MEF2C: variants seen among roughly 807,000 people sequenced by gnomAD.
MEF2C encodes the protein myocyte enhancer factor 2C, also known as myocyte-specific enhancer factor 2C.
Under a neutral mutation model 50.5 loss-of-function variants are expected in MEF2C, and 6 were observed. That is an observed-to-expected ratio of 0.12 (90% CI 0.07 to 0.23). The LOEUF is 0.23. Among genes scored for constraint, MEF2C ranks in the 10% least tolerant of loss-of-function variants. The pLI is 1.00. For synonymous variants in MEF2C, 183 were observed against 228.0 expected, an observed-to-expected ratio of 0.80 and a Z score of 1.78; for missense variants, 276 against 605.0, an observed-to-expected ratio of 0.46 and a Z score of 5.70.
At chr5:88,896,011 C>T (rs1353317565) in intron 1 of MEF2C, among the ~76,000 whole-genome samples, 2 of 152,106 alleles carry the variant, frequency 1.3e-5, no homozygotes, top group Non-Finnish European at 2.9e-5. Context: ...TTTTAGGGAG[C>T]ACTTTCAGTA....
At chr5:88,801,586 G>A (rs1294892118) in intron 3 of MEF2C, among the ~76,000 whole-genome samples, 3 of 150,848 alleles carry the variant, frequency 2.0e-5, no homozygotes, top group Non-Finnish European at 2.9e-5. Context: ...TCTCCCTCCC[G>A]TGTTCAGGCC....
intron 1 of MEF2C, among the ~76,000 whole-genome samples, chr5:88,860,925 C>T (rs1348247577): frequency 6.6e-6 from 1 of 152,210 alleles, no homozygotes; most frequent in African/African-American, 2.4e-5. Context: ...TCGCCTACAT[C>T]TTGACCCCTC....
chr5:88,812,932 T>C (rs1282688811), intron 2 of MEF2C, among the ~76,000 whole-genome samples: 1 of 152,166 alleles, frequency 6.6e-6, no homozygotes, highest in African/African-American at 2.4e-5. Flanking sequence ...CTGTCATTTG[T>C]AATGTTACAT....
intron 1 of MEF2C, chr5:88,843,213 T>C (rs1817997196): frequency 1.7e-6 from 1 of 604,988 alleles, no homozygotes; most frequent in African/African-American, 2.0e-5. Flanking sequence ...TGCTTGCTTT[T>C]TTTTTTTTTT....
intron 3 of MEF2C, among the ~76,000 whole-genome samples, chr5:88,788,741 A>C (rs1241851419): frequency 2.0e-5 from 3 of 152,178 alleles, no homozygotes; most frequent in Non-Finnish European, 4.4e-5. Flanking sequence ...ATTAATGCAG[A>C]TCTATGTCTT....
intron 6 of MEF2C, chr5:88,740,909 T>C (rs1766403221): frequency 1.0e-6 from 1 of 985,198 alleles, no homozygotes; most frequent in South Asian, 4.7e-5. Flanking sequence ...CGCTCATTCT[T>C]TCAGTCATTT....
At chr5:88,783,562 G>A (rs1789287674) in intron 3 of MEF2C, among the ~76,000 whole-genome samples, 2 of 152,150 alleles carry the variant, frequency 1.3e-5, no homozygotes, top group Admixed American at 1.3e-4. Context: ...CCCGGGAGGT[G>A]GAGGTTGCGG....
At chr5:88,801,292 T>C (rs868118990) in intron 3 of MEF2C, among the ~76,000 whole-genome samples, 4 of 152,176 alleles carry the variant, frequency 2.6e-5, no homozygotes, top group African/African-American at 7.2e-5. Context: ...TTCAGTTAAA[T>C]GTATTCCATT....
intron 3 of MEF2C, chr5:88,775,941 A>C: frequency 1.6e-4 from 52 of 334,896 alleles, no homozygotes; most frequent in South Asian, 2.4e-4. Flanking sequence ...TATTTATCTC[A>C]TTTATAACTT....
At chr5:88,870,301 TAA>T (rs1377792248) in intron 1 of MEF2C, among the ~76,000 whole-genome samples, 4 of 152,078 alleles carry the variant, frequency 2.6e-5, no homozygotes, top group African/African-American at 9.7e-5. Flanking sequence ...TTTATGAATA[TAA>T]AAGTTTCTTA....
chr5:88,756,390 C>G (rs1775327550), intron 4 of MEF2C, among the ~76,000 whole-genome samples: 1 of 152,116 alleles, frequency 6.6e-6, no homozygotes, highest in Non-Finnish European at 1.5e-5. Flanking sequence ...GCTCCCACTT[C>G]TAAGTGAGAA....
At chr5:88,903,271 C>T (rs567835233) in intron 1 of MEF2C, among the ~76,000 whole-genome samples, 10 of 151,872 alleles carry the variant, frequency 6.6e-5, no homozygotes, top group East Asian at 3.9e-4. Flanking sequence ...TCTCAAAAGA[C>T]GCTCTTTGTA....
At chr5:88,868,689 T>C (rs1161743770) in intron 1 of MEF2C, among the ~76,000 whole-genome samples, 1 of 152,146 alleles carries the variant, frequency 6.6e-6, no homozygotes, top group Admixed American at 6.5e-5. Flanking sequence ...AACTAGAACA[T>C]TCTTATCAGT....
chr5:88,804,376 A>AAGACC, intron 3 of MEF2C: 1 of 497,592 alleles, frequency 2.0e-6, no homozygotes, highest in African/African-American at 1.9e-5. Context: ...ATTTCTAGCA[A>AAGACC]AGACCAGATC....
At chr5:88,840,798 A>G (rs1817067428) in intron 1 of MEF2C, among the ~76,000 whole-genome samples, 1 of 152,208 alleles carries the variant, frequency 6.6e-6, no homozygotes, top group African/African-American at 2.4e-5. Flanking sequence ...TCCTTTAGCT[A>G]CCATTAAAAT....
chr5:88,871,899 G>C (rs185276768), intron 1 of MEF2C, among the ~76,000 whole-genome samples: 2 of 151,926 alleles, frequency 1.3e-5, no homozygotes, highest in Admixed American at 1.3e-4. Flanking sequence ...CTCAAATCTA[G>C]AGAAAAATAG....
rs1224041813 is a variant in MEF2C at position 88,772,902 on chromosome 5, T to A, written c.259-11574A>T. 4 of 985,332 alleles carry A rather than the reference T, an allele frequency of 4.1e-6. No homozygotes were observed. In the Admixed American group the frequency reaches 2.5e-4, roughly 61 times the overall value. The allele number at this position is 985,332 out of a possible 1,614,324, so 61.0% of individuals were successfully genotyped here. A position where few individuals can be genotyped will look rare whatever the true frequency, so the allele number is the denominator to read the frequency against. ...AGAACAAACACACTTAGATGCTAAT[T>A]GAGGGTTTTGCCTGAGCTTGTGATA... On this transcript the variant is annotated intron_variant, in intron 3 of 10. Transcript: ENST00000504921.
intron 1 of MEF2C, among the ~76,000 whole-genome samples, chr5:88,830,538 ATT>A (rs966693744): frequency 1.3e-5 from 2 of 152,040 alleles, no homozygotes; most frequent in African/African-American, 4.8e-5. Context: ...TCCATGGTCT[ATT>A]TTGTCTTGGA....
At chr5:88,819,645 T>C (rs1271795324) in intron 2 of MEF2C, among the ~76,000 whole-genome samples, 6 of 152,056 alleles carry the variant, frequency 3.9e-5, no homozygotes, top group Admixed American at 3.9e-4. Flanking sequence ...CCTATTATTC[T>C]TTCATAGCAC....
Sources: allele counts gnomAD v4.1 joint callset (sites outside exome capture counted in the v4.1 genomes callset), GRCh38; gene constraint gnomAD v4.1.1; transcripts MANE v1.5; gene names NCBI Gene and HGNC (gene_info 2026-07-23, HGNC 2026-07-21).